Variants in PRKACB observed in about 807,000 individuals in gnomAD.
PRKACB encodes the protein protein kinase cAMP-activated catalytic subunit beta, also known as cAMP-dependent protein kinase catalytic subunit beta.
In PRKACB, 16 loss-of-function variants were observed where a neutral mutation model predicts 51.4. The ratio of observed to expected loss-of-function variants is 0.31; its 90% CI spans 0.21 to 0.47. The LOEUF (loss-of-function observed/expected upper bound fraction) is 0.47, where lower values mean the gene tolerates loss of function less well. Ranked by LOEUF, PRKACB falls within the 20% of genes least tolerant of loss-of-function variation. PRKACB has a pLI of 1.00. For synonymous variants in PRKACB, 147 were observed against 154.4 expected (o/e 0.95, Z 0.35); for missense variants, 309 against 464.5 (o/e 0.67, Z 3.08).
chr1:84,105,930 T>C (rs1028864985), intron 1 of PRKACB, among the ~76,000 whole-genome samples: 1 of 151,902 alleles, frequency 6.6e-6, no homozygotes, highest in African/African-American at 2.4e-5. Flanking sequence ...ATTCAAACAA[T>C]CAAGGATTCA....
intron 1 of PRKACB, among the ~76,000 whole-genome samples, chr1:84,139,243 C>T (rs1355739392): frequency 6.6e-6 from 1 of 152,068 alleles, no homozygotes. Context: ...TAAATAGTTC[C>T]TGTTGAAAGA....
intron 2 of PRKACB, chr1:84,181,756 C>A: frequency 7.0e-7 from 1 of 1,427,254 alleles, no homozygotes; most frequent in East Asian, 2.5e-5. Flanking sequence ...GCTCTGATCC[C>A]TCAGTTTATC....
chr1:84,096,220 A>G (rs1424687642), intron 1 of PRKACB, among the ~76,000 whole-genome samples: 1 of 151,994 alleles, frequency 6.6e-6, no homozygotes, highest in Non-Finnish European at 1.5e-5. Context: ...GGTGGTGTTT[A>G]TCAGGGCCCT....
intron 1 of PRKACB, among the ~76,000 whole-genome samples, chr1:84,112,558 C>G (rs555689148): frequency 2.0e-5 from 3 of 152,212 alleles, no homozygotes; most frequent in Admixed American, 2.0e-4. Context: ...CTATGTCTTG[C>G]CTCATTTGGT....
chr1:84,129,126 T>A (rs1454807024), intron 1 of PRKACB, among the ~76,000 whole-genome samples: 1 of 152,170 alleles, frequency 6.6e-6, no homozygotes, highest in East Asian at 1.9e-4. Context: ...ATTAGAATTG[T>A]GAGATTAAAT....
At position 84,093,454 on chromosome 1, in the gene PRKACB, T is replaced by A. The variant is rs117738925; in HGVS notation, c.46+15083T>A. 2.3e-4 allele frequency among the ~76,000 whole-genome samples: 35 copies of A among 152,234 alleles called. 1 individual carries two copies. In the East Asian group the frequency reaches 5.8e-3, roughly 25 times the overall value. On this transcript the variant is annotated intron_variant, in intron 1 of 8. Transcript: ENST00000370688. ...AGGCTGAATATATCTGGTTTCCTTC[T>A]TTTCTGTTCCATTGGTTTTGTCTAT...
intron 1 of PRKACB, among the ~76,000 whole-genome samples, chr1:84,162,143 A>G (rs1341447571): frequency 1.3e-5 from 2 of 151,778 alleles, no homozygotes; most frequent in African/African-American, 4.8e-5. Flanking sequence ...GGCCCTACTT[A>G]TTTCTAATGA....
intron 1 of PRKACB, chr1:84,175,824 T>C: frequency 6.4e-7 from 1 of 1,551,448 alleles, no homozygotes; most frequent in Non-Finnish European, 8.7e-7. Context: ...TCATTTCCTT[T>C]AGAATGCAAT....
intron 1 of PRKACB, among the ~76,000 whole-genome samples, chr1:84,133,275 T>A (rs538032146): frequency 2.8e-4 from 43 of 152,276 alleles, no homozygotes; most frequent in African/African-American, 9.9e-4. Flanking sequence ...CCTATAATTA[T>A]ATATCTGTGA....
chr1:84,196,400 C>T (rs1668254450), intron 5 of PRKACB, among the ~76,000 whole-genome samples: 1 of 152,170 alleles, frequency 6.6e-6, no homozygotes, highest in African/African-American at 2.4e-5. Context: ...TTTTCCTCAA[C>T]ATATGCTTCC....
chr1:84,185,155 C>A lies in PRKACB; in HGVS notation c.533C>A (p.Ser178Ter). 1.3e-6 allele frequency: 2 copies of A among 1,506,816 alleles called. No individual in the cohort carries two copies. Among genetic ancestry groups the A allele is most frequent in the Non-Finnish European group, 1.8e-6 (2 of 1,131,960 alleles). The allele number at this position is 1,506,816 out of a possible 1,614,324, so 93.3% of individuals were successfully genotyped here. The change falls in exon 5 of 10, where the codon TCA (serine) becomes TAA (stop). Residue 178 changes from serine to a stop codon, truncating the protein, a stop_gained. Coordinates refer to ENST00000370685, the MANE Select transcript of PRKACB (RefSeq NM_182948.4). LOFTEE classifies it high-confidence loss of function. Reference sequence around the variant, plus strand: ...TATGTCCCTGGGGGTGAAATGTTTTCACATCTAAGAAGAATTGGAAGGTTC... The same window carrying A: ...TATGTCCCTGGGGGTGAAATGTTTTAACATCTAAGAAGAATTGGAAGGTTC... ...MEYVPGGEMF[S>*]HLRRIGRFSE... is the part of the protein sequence containing the mutation.
intron 5 of PRKACB, among the ~76,000 whole-genome samples, chr1:84,187,602 T>C (rs1184257118): frequency 6.6e-6 from 1 of 152,114 alleles, no homozygotes; most frequent in African/African-American, 2.4e-5. Context: ...AACAGAGCGG[T>C]TCTCATTTTA....
intron 1 of PRKACB, chr1:84,078,433 T>C: frequency 3.2e-6 from 5 of 1,577,520 alleles, no homozygotes; most frequent in Non-Finnish European, 4.3e-6. Context: ...CCGAGCGCCC[T>C]CCGGGTCGCA....
chr1:84,145,277 CT>C (rs1439092047), intron 1 of PRKACB, among the ~76,000 whole-genome samples: 1 of 152,070 alleles, frequency 6.6e-6, no homozygotes, highest in Non-Finnish European at 1.5e-5. Context: ...ATAAACAATA[CT>C]AGTGCCGCCA....
intron 1 of PRKACB, among the ~76,000 whole-genome samples, chr1:84,099,978 A>G (rs1418049740): frequency 6.6e-6 from 1 of 152,154 alleles, no homozygotes; most frequent in East Asian, 1.9e-4. Context: ...GAGTAATTTT[A>G]TATTAGATTG....
At chr1:84,090,282 T>TTACTTC (rs1648353507) in intron 1 of PRKACB, among the ~76,000 whole-genome samples, 1 of 152,208 alleles carries the variant, frequency 6.6e-6, no homozygotes, top group Admixed American at 6.5e-5. Context: ...AGGAACCCCT[T>TTACTTC]TAACTTCTTC....
intron 1 of PRKACB, among the ~76,000 whole-genome samples, chr1:84,087,103 T>C (rs984269939): frequency 2.6e-5 from 4 of 152,280 alleles, no homozygotes; most frequent in Admixed American, 1.3e-4. Context: ...TCTATTCTTA[T>C]GTGAAACCAT....
chr1:84,194,176 A>G (rs1429585862), intron 5 of PRKACB, among the ~76,000 whole-genome samples: 1 of 152,190 alleles, frequency 6.6e-6, no homozygotes, highest in Non-Finnish European at 1.5e-5. Context: ...TAAAGTTTAC[A>G]CTAAAGTACC....
intron 1 of PRKACB, chr1:84,164,581 T>C: frequency 7.2e-7 from 1 of 1,382,252 alleles, no homozygotes; most frequent in East Asian, 2.5e-5. Context: ...TTAGAAAAGC[T>C]ACGCCTTGGA....
Sources: gnomAD v4.1 joint callset for allele counts (sites outside exome capture counted in the v4.1 genomes callset) on GRCh38, gnomAD v4.1.1 for gene constraint, MANE v1.5 for transcripts, NCBI Gene and HGNC (gene_info 2026-07-23, HGNC 2026-07-21) for gene names.